TBX5: variants seen among roughly 807,000 people sequenced by gnomAD.
TBX5 encodes T-box transcription factor 5.
A neutral mutation model predicts 51.1 loss-of-function variants in TBX5; 8 were observed. That is an observed-to-expected ratio of 0.16 (90% confidence interval 0.09 to 0.28). TBX5 has a LOEUF of 0.28. Ranked by LOEUF, TBX5 falls within the 10% of genes least tolerant of loss-of-function variation. The probability of loss-of-function intolerance (pLI) is 1.00; values close to 1 mark genes in which losing one functional copy is unlikely to be tolerated. For missense variants in TBX5, 589 were observed against 671.7 expected (o/e 0.88, Z 1.36); for synonymous variants, 302 against 266.4 (o/e 1.13, Z -1.30).
intron 8 of TBX5, among the ~76,000 whole-genome samples, chr12:114,363,642 C>T (rs762633587): frequency 3.3e-5 from 5 of 152,120 alleles, no homozygotes; most frequent in Non-Finnish European, 7.4e-5. Context: ...GTAACCAAGA[C>T]GGTATAGAGT....
At position 114,405,613 on chromosome 12, in the gene TBX5, T is replaced by A; in HGVS notation, c.-39+15A>T. The A allele has an allele frequency of 1.2e-6, 1 of 833,026 alleles. No homozygotes were observed. Among genetic ancestry groups the A allele is most frequent in the South Asian group, 5.5e-5 (1 of 18,312 alleles). 51.6% of individuals were successfully genotyped at this position (833,026 alleles called of 1,614,324 possible). A position where few individuals can be genotyped will look rare whatever the true frequency, so the allele number is the denominator to read the frequency against. ...TCCCTCCTGAGCCTCCCGGGCCATC[T>A]GCCGGGACGGTTACCTCGTTCGGTG... On this transcript the variant is annotated intron_variant, in intron 1 of 8. Coordinates refer to ENST00000405440, the MANE Select transcript of TBX5 (RefSeq NM_181486.4).
chr12:114,403,637 G>A, intron 2 of TBX5, 115 bp downstream of exon 2: 1 of 1,463,522 alleles, frequency 6.8e-7, no homozygotes, highest in Non-Finnish European at 9.1e-7. Flanking sequence ...CGTTGGGTTC[G>A]TTTTGGGGTT....
intron 5 of TBX5, among the ~76,000 whole-genome samples, chr12:114,396,730 A>C (rs1871455558): frequency 6.6e-6 from 1 of 152,210 alleles, no homozygotes; most frequent in South Asian, 2.1e-4. Flanking sequence ...AGAAGGAGCC[A>C]GCCCAGAGAT....
intron 8 of TBX5, among the ~76,000 whole-genome samples, chr12:114,364,352 C>A (rs1449260488): frequency 6.6e-6 from 1 of 152,128 alleles, no homozygotes; most frequent in Non-Finnish European, 1.5e-5. Context: ...TAGAGCAAAA[C>A]AGCTACTACT....
chr12:114,356,797 A>C (rs1868944053), intron 8 of TBX5, among the ~76,000 whole-genome samples: 1 of 152,168 alleles, frequency 6.6e-6, no homozygotes, highest in African/African-American at 2.4e-5. Flanking sequence ...CAACAACCCT[A>C]CCAGGTGGGT....
At chr12:114,364,227 G>T (rs551479417) in intron 8 of TBX5, among the ~76,000 whole-genome samples, 1 of 152,190 alleles carries the variant, frequency 6.6e-6, no homozygotes, top group Non-Finnish European at 1.5e-5. Context: ...GGTTGTTAGC[G>T]AGTTATTTTT....
chr12:114,356,456 G>A (rs1307900871), intron 8 of TBX5, among the ~76,000 whole-genome samples: 1 of 152,154 alleles, frequency 6.6e-6, no homozygotes, highest in Non-Finnish European at 1.5e-5. Context: ...CTAACCAGGT[G>A]CAGTTGTGCA....
At chr12:114,394,935 C>T (rs1871341629) in intron 5 of TBX5, 42 bp from the exon 6 acceptor site, 4 of 1,598,232 alleles carry the variant, frequency 2.5e-6, no homozygotes, top group Admixed American at 1.7e-5. Context: ...AAAATCAAAA[C>T]TCCCTTTGTC....
At chr12:114,363,066 T>C (rs1214251560) in intron 8 of TBX5, among the ~76,000 whole-genome samples, 1 of 152,232 alleles carries the variant, frequency 6.6e-6, no homozygotes, top group African/African-American at 2.4e-5. Context: ...CACATGTTCA[T>C]TGAGCACTTG....
chr12:114,379,201 A>T (rs145593496), intron 7 of TBX5, among the ~76,000 whole-genome samples: 1 of 152,258 alleles, frequency 6.6e-6, no homozygotes, highest in East Asian at 1.9e-4. Context: ...AGCATGACCC[A>T]CCAATCACAG....
chr12:114,372,429 C>G (rs1255848543), intron 7 of TBX5, among the ~76,000 whole-genome samples: 2 of 151,958 alleles, frequency 1.3e-5, no homozygotes, highest in Admixed American at 1.3e-4. Flanking sequence ...TTCAGCCTCC[C>G]AGGTAGCTGG....
At chr12:114,359,447 G>A (rs896570348) in intron 8 of TBX5, among the ~76,000 whole-genome samples, 12 of 152,130 alleles carry the variant, frequency 7.9e-5, no homozygotes, top group Non-Finnish European at 1.3e-4. Context: ...AACTTTCAGG[G>A]TTGGTAAATG....
Position 114,355,623 on chromosome 12 carries a change from T to C in TBX5, c.1466A>G (p.Tyr489Cys). The C allele has an allele frequency of 1.2e-6, 2 of 1,613,790 alleles. No homozygotes were observed. Among genetic ancestry groups the C allele is most frequent in the Non-Finnish European group, 1.7e-6 (2 of 1,179,940 alleles). Residue 489 changes from tyrosine (Y) to cysteine (C), a missense_variant, in exon 9 of 9, where the codon TAC becomes TGC. By Grantham distance (194) the Tyr-to-Cys change is radical. Transcript: ENST00000405440. ...TAGAGTCCTTGGCACGCCATGAGAG[T>C]AGAGGAACTCAGGGGGCTGAAGGGT... ...PGTLQPPEFLYSHGVPRTLSP... is the reference protein window; with the variant it reads ...PGTLQPPEFLCSHGVPRTLSP...
intron 7 of TBX5, among the ~76,000 whole-genome samples, chr12:114,379,439 T>C (rs1214752053): frequency 6.6e-6 from 1 of 152,204 alleles, no homozygotes; most frequent in Non-Finnish European, 1.5e-5. Context: ...GGGAAAGTTG[T>C]CGCAGGTGAG....
intron 7 of TBX5, among the ~76,000 whole-genome samples, chr12:114,384,785 T>C (rs1161808935): frequency 2.0e-5 from 3 of 151,230 alleles, no homozygotes; most frequent in Non-Finnish European, 1.5e-5. Context: ...GGGATCAAGA[T>C]GTATTTCTAA....
chr12:114,403,902 G>A lies in TBX5; in HGVS notation c.-4C>T. The A allele has an allele frequency of 6.2e-7, 1 of 1,611,348 alleles. No individual in the cohort carries two copies. The highest frequency in any genetic ancestry group is 8.5e-7 in the Non-Finnish European group (1 of 1,179,818). ...AGCCCTCGTCTGCGTCGGCCATGGT[G>A]CGCCCAGGGCCCTGTGCCCGCGCAA... On this transcript the variant is annotated 5_prime_UTR_variant, in exon 2 of 9. Coordinates refer to ENST00000405440, the MANE Select transcript of TBX5 (RefSeq NM_181486.4).
At chr12:114,362,174 C>T (rs1020283868) in intron 8 of TBX5, among the ~76,000 whole-genome samples, 2 of 152,148 alleles carry the variant, frequency 1.3e-5, no homozygotes, top group South Asian at 4.1e-4. Flanking sequence ...TTTCAGACCC[C>T]ATGACAGCCT....
At chr12:114,380,046 C>T (rs1234479981) in intron 7 of TBX5, among the ~76,000 whole-genome samples, 1 of 152,092 alleles carries the variant, frequency 6.6e-6, no homozygotes, top group Non-Finnish European at 1.5e-5. Context: ...CTCCAGCCCC[C>T]TAGACTTTTA....
chr12:114,396,033 G>A (rs1400713875), intron 5 of TBX5, among the ~76,000 whole-genome samples: 4 of 152,148 alleles, frequency 2.6e-5, no homozygotes, highest in African/African-American at 7.2e-5. Flanking sequence ...CGGGAACTGC[G>A]GAGGTTGTCT....
Sources: allele counts gnomAD v4.1 joint callset (sites outside exome capture counted in the v4.1 genomes callset), GRCh38; gene constraint gnomAD v4.1.1; transcripts MANE v1.5; gene names NCBI Gene and HGNC (gene_info 2026-07-23, HGNC 2026-07-21).